CTNNA2: variants seen among roughly 807,000 people sequenced by gnomAD.
CTNNA2 encodes the protein catenin alpha-2.
A neutral mutation model predicts 101.0 loss-of-function variants in CTNNA2; 42 were observed. That is an observed-to-expected ratio of 0.42 (90% CI 0.32 to 0.54). The LOEUF (loss-of-function observed/expected upper bound fraction) is 0.54. CTNNA2 is among the 20% of genes least tolerant of loss of function. The pLI is 0.14. For synonymous variants in CTNNA2, 450 were observed against 456.4 expected (o/e 0.99, Z 0.18); for missense variants, 871 against 1,223.1 (o/e 0.71, Z 4.29).
chr2:79,744,776 T>C (rs1415873019), intron 3 of CTNNA2, among the ~76,000 whole-genome samples, 194 bp downstream of exon 3: 1 of 152,216 alleles, frequency 6.6e-6, no homozygotes, highest in East Asian at 1.9e-4. Context: ...ATGGTACAGC[T>C]ACAAACACTC....
chr2:80,031,871 A>T (rs1695311891), intron 7 of CTNNA2, among the ~76,000 whole-genome samples: 1 of 152,234 alleles, frequency 6.6e-6, no homozygotes, highest in East Asian at 1.9e-4. Flanking sequence ...AATAGAAGGG[A>T]TTAGATAAAT....
chr2:79,672,196 C>T (rs1016442272), intron 2 of CTNNA2, among the ~76,000 whole-genome samples: 9 of 152,278 alleles, frequency 5.9e-5, no homozygotes, highest in Middle Eastern at 3.4e-3. Context: ...AAATCCCTGG[C>T]CCCTGCGTTG....
At chr2:79,739,983 T>C (rs1395365487) in intron 2 of CTNNA2, among the ~76,000 whole-genome samples, 1 of 152,248 alleles carries the variant, frequency 6.6e-6, no homozygotes, top group East Asian at 1.9e-4. Flanking sequence ...ATCTTGGTTC[T>C]TCATGACTGA....
At chr2:80,077,703 A>G (rs1168274801) in intron 7 of CTNNA2, among the ~76,000 whole-genome samples, 1 of 152,182 alleles carries the variant, frequency 6.6e-6, no homozygotes, top group Non-Finnish European at 1.5e-5. Context: ...AAAAGAATAT[A>G]TACTGTATTA....
chr2:79,863,112 G>GC (rs1250701524), intron 4 of CTNNA2, among the ~76,000 whole-genome samples: 1 of 151,004 alleles, frequency 6.6e-6, no homozygotes, highest in African/African-American at 2.4e-5. Flanking sequence ...GCACAAAAGA[G>GC]GAAATTCTCT....
At chr2:79,734,337 A>G (rs1573824183) in intron 2 of CTNNA2, among the ~76,000 whole-genome samples, 1 of 152,216 alleles carries the variant, frequency 6.6e-6, no homozygotes, top group Non-Finnish European at 1.5e-5. Context: ...CCTTTAAACC[A>G]GTTTGTTTCT....
chr2:80,356,678 T>C (rs1235366080), intron 7 of CTNNA2, among the ~76,000 whole-genome samples: 1 of 152,114 alleles, frequency 6.6e-6, no homozygotes, highest in Non-Finnish European at 1.5e-5. Context: ...TGCCTGGCCA[T>C]TTTAATGGCC....
At chr2:79,589,351 G>A (rs907633703) in intron 1 of CTNNA2, among the ~76,000 whole-genome samples, 7 of 152,024 alleles carry the variant, frequency 4.6e-5, no homozygotes, top group African/African-American at 7.2e-5. Flanking sequence ...CTTTTCTATC[G>A]TAAAAGAAAT....
chr2:79,923,490 C>T (rs1318512636), intron 7 of CTNNA2, among the ~76,000 whole-genome samples: 1 of 152,014 alleles, frequency 6.6e-6, no homozygotes, highest in Non-Finnish European at 1.5e-5. Flanking sequence ...TTATGGGGTA[C>T]TATGTGATGT....
intron 3 of CTNNA2, among the ~76,000 whole-genome samples, chr2:79,776,401 A>C (rs1306948737): frequency 6.6e-6 from 1 of 152,202 alleles, no homozygotes; most frequent in Non-Finnish European, 1.5e-5. Flanking sequence ...CATGATAACT[A>C]AGGGCTTTCT....
intron 7 of CTNNA2, among the ~76,000 whole-genome samples, chr2:80,139,647 A>G (rs1364184187): frequency 6.6e-6 from 1 of 152,218 alleles, no homozygotes; most frequent in Admixed American, 6.5e-5. Flanking sequence ...GATTAAAGAA[A>G]CACAAAAATT....
intron 7 of CTNNA2, among the ~76,000 whole-genome samples, chr2:80,044,840 A>T (rs1239155473): frequency 6.6e-6 from 1 of 152,160 alleles, no homozygotes; most frequent in Admixed American, 6.5e-5. Context: ...GAATGAGATC[A>T]GTGATCTTTA....
At chr2:80,017,284 C>G (rs1257961381) in intron 7 of CTNNA2, among the ~76,000 whole-genome samples, 1 of 151,678 alleles carries the variant, frequency 6.6e-6, no homozygotes, top group Non-Finnish European at 1.5e-5. Flanking sequence ...AGGTGTGCAA[C>G]TAATATTAGT....
intron 2 of CTNNA2, among the ~76,000 whole-genome samples, chr2:79,700,897 T>A (rs559514568): frequency 6.6e-6 from 1 of 152,278 alleles, no homozygotes; most frequent in East Asian, 1.9e-4. Flanking sequence ...ATCTAGAGAA[T>A]CGTAAATGTG....
At chr2:79,599,780 T>G (rs565216732) in intron 1 of CTNNA2, among the ~76,000 whole-genome samples, 1 of 152,350 alleles carries the variant, frequency 6.6e-6, no homozygotes, top group African/African-American at 2.4e-5. Context: ...TAAAGTCACA[T>G]TTTTTCTGAT....
intron 9 of CTNNA2, among the ~76,000 whole-genome samples, chr2:80,525,426 G>A (rs539732984): frequency 1.6e-3 from 242 of 151,704 alleles, no homozygotes; most frequent in Non-Finnish European, 2.4e-3. Flanking sequence ...TGACTGTGAA[G>A]TAAGGGAGAA....
chr2:79,699,990 G>A (rs1298222447), intron 2 of CTNNA2, among the ~76,000 whole-genome samples: 4 of 149,562 alleles, frequency 2.7e-5, no homozygotes, highest in South Asian at 2.1e-4. Flanking sequence ...TTTTATCCTC[G>A]TGACAGGTGA....
At chr2:80,632,468 G>A (rs1672402403) in intron 18 of CTNNA2, among the ~76,000 whole-genome samples, 1 of 152,042 alleles carries the variant, frequency 6.6e-6, no homozygotes, top group Non-Finnish European at 1.5e-5. Context: ...TTTTTGTGCT[G>A]CACTCCAAAG....
chr2:79,577,034 T>G (rs1166831890), intron 1 of CTNNA2, among the ~76,000 whole-genome samples: 1 of 152,158 alleles, frequency 6.6e-6, no homozygotes, highest in East Asian at 1.9e-4. Context: ...AGTTCATTAT[T>G]TTCTCTTTGA....
Sources: allele counts gnomAD v4.1 joint callset (sites outside exome capture counted in the v4.1 genomes callset), GRCh38; gene constraint gnomAD v4.1.1; transcripts MANE v1.5; gene names NCBI Gene and HGNC (gene_info 2026-07-23, HGNC 2026-07-21).